The following SLC9A8 variants were observed in gnomAD, a reference collection of about 807,000 sequenced individuals.
The protein encoded by SLC9A8 is solute carrier family 9 member A8.
Under a neutral mutation model 66.6 loss-of-function variants are expected in SLC9A8, and 48 were observed. The observed-to-expected ratio is 0.72, with a 90% CI of 0.57 to 0.92. SLC9A8 has a LOEUF of 0.92. Among genes scored for constraint, SLC9A8 ranks in the 40% least tolerant of loss-of-function variants. The pLI, the probability that SLC9A8 is intolerant of heterozygous loss-of-function variation, is 0.00. For missense variants in SLC9A8, 599 were observed against 747.3 expected (o/e 0.80, Z 2.31); for synonymous variants, 274 against 282.6 (o/e 0.97, Z 0.31).
At chr20:49,863,959 A>G (rs1472759100) in intron 9 of SLC9A8, 1 of 152,214 alleles carries the variant, frequency 6.6e-6, no homozygotes, top group Non-Finnish European at 1.5e-5. Flanking sequence ...TCCTTTGTCC[A>G]GAAGTCTAAG....
At chr20:49,834,185 C>CTCTCTCTCTA (rs1475975068) in intron 3 of SLC9A8, among the ~76,000 whole-genome samples, 4 of 34,542 alleles carry the variant, frequency 1.2e-4, no homozygotes, top group African/African-American at 2.3e-4. Flanking sequence ...CTCTCTCTCT[C>CTCTCTCTCTA]TATATATATA....
intron 7 of SLC9A8, among the ~76,000 whole-genome samples, chr20:49,853,043 A>C (rs1568841071): frequency 6.6e-6 from 1 of 152,158 alleles, no homozygotes; most frequent in African/African-American, 2.4e-5. Flanking sequence ...TATTATGAAA[A>C]ATTTTAAACA....
At chr20:49,859,987 G>A (rs371857770) in intron 8 of SLC9A8, among the ~76,000 whole-genome samples, 1 of 152,128 alleles carries the variant, frequency 6.6e-6, no homozygotes, top group Admixed American at 6.5e-5. Flanking sequence ...TTAACCCTTT[G>A]TGTGACCTTA....
At chr20:49,838,272 A>G (rs950904991) in intron 3 of SLC9A8, among the ~76,000 whole-genome samples, 5 of 152,168 alleles carry the variant, frequency 3.3e-5, no homozygotes, top group African/African-American at 7.2e-5. Context: ...TCCGCATACT[A>G]TTTGGCCAAT....
chr20:49,861,536 C>T (rs2146666654), intron 8 of SLC9A8, among the ~76,000 whole-genome samples: 1 of 152,166 alleles, frequency 6.6e-6, no homozygotes, highest in Admixed American at 6.5e-5. Context: ...GAGTGAGACC[C>T]TGTCTCAAAA....
intron 4 of SLC9A8, among the ~76,000 whole-genome samples, chr20:49,841,930 C>T (rs989510418): frequency 6.6e-6 from 1 of 152,074 alleles, no homozygotes; most frequent in Non-Finnish European, 1.5e-5. Context: ...TGTAGAGACA[C>T]GATGTCACTA....
At chr20:49,813,894 G>A (rs576123309) in intron 1 of SLC9A8, among the ~76,000 whole-genome samples, 1 of 152,270 alleles carries the variant, frequency 6.6e-6, no homozygotes, top group East Asian at 1.9e-4. Context: ...GGAAGGACGG[G>A]CTGTGTCCTC....
At chr20:49,841,078 G>A (rs1460883283) in intron 4 of SLC9A8, among the ~76,000 whole-genome samples, 1 of 152,158 alleles carries the variant, frequency 6.6e-6, no homozygotes, top group Non-Finnish European at 1.5e-5. Context: ...GCTGAGTCAC[G>A]TGGATCATCT....
At chr20:49,874,255 TCC>T (rs375029945) in intron 10 of SLC9A8, among the ~76,000 whole-genome samples, 10 of 150,480 alleles carry the variant, frequency 6.6e-5, no homozygotes, top group African/African-American at 2.4e-4. Flanking sequence ...CAAAACTCTG[TCC>T]CCCCCCCAAA....
At chr20:49,861,055 A>G (rs1017629281) in intron 8 of SLC9A8, among the ~76,000 whole-genome samples, 3 of 152,074 alleles carry the variant, frequency 2.0e-5, no homozygotes, top group Admixed American at 1.3e-4. Flanking sequence ...AGGGATGAAT[A>G]AGGGAGTTAG....
intron 11 of SLC9A8, among the ~76,000 whole-genome samples, chr20:49,875,341 C>A (rs766745111): frequency 5.3e-5 from 8 of 151,616 alleles, no homozygotes; most frequent in Non-Finnish European, 1.0e-4. Context: ...TTTAGGAAAT[C>A]CTGGTTAAAT....
intron 8 of SLC9A8, among the ~76,000 whole-genome samples, chr20:49,862,463 T>C (rs891678641): frequency 6.6e-6 from 1 of 152,164 alleles, no homozygotes; most frequent in Non-Finnish European, 1.5e-5. Context: ...GGTTTCACCA[T>C]GTTGGCCAGG....
intron 3 of SLC9A8, among the ~76,000 whole-genome samples, chr20:49,826,706 T>C (rs1190834856): frequency 3.9e-5 from 6 of 152,222 alleles, no homozygotes. Flanking sequence ...TTCCATACTT[T>C]ATGGAATTCT....
intron 8 of SLC9A8, among the ~76,000 whole-genome samples, chr20:49,857,869 A>C (rs894395637): frequency 7.2e-5 from 11 of 152,130 alleles, no homozygotes; most frequent in African/African-American, 2.4e-4. Context: ...TTGCAGGAGG[A>C]GCTTACCAAA....
chr20:49,880,430 G>C (rs1387762781), intron 12 of SLC9A8, among the ~76,000 whole-genome samples: 2 of 152,188 alleles, frequency 1.3e-5, no homozygotes, highest in African/African-American at 2.4e-5. Flanking sequence ...CTTGCTCAGA[G>C]AGCAGTGTTT....
At chr20:49,849,554 C>T in intron 5 of SLC9A8, 25 bp from the exon 6 acceptor site, 2 of 1,565,844 alleles carry the variant, frequency 1.3e-6, no homozygotes, top group Middle Eastern at 1.7e-4. Context: ...CTAATCATTT[C>T]CCTGATTTCT....
In SLC9A8 at chr20:49,889,219, G is replaced by C. The variant is rs756960070; in HGVS notation, c.*1283G>C. On this transcript the variant is annotated 3_prime_UTR_variant, in exon 16 of 16. Coordinates refer to ENST00000361573, the MANE Select transcript of SLC9A8 (RefSeq NM_015266.3). ...CATCAAAGAGCCATTGCCAACTTCC[G>C]TATGTGGTTCTGGGTCCCAGGGAGC... 1 of 152,240 alleles carries C rather than the reference G, an allele frequency of 6.6e-6. No individual in the cohort carries two copies. The highest frequency in any genetic ancestry group is 2.4e-5 in the African/African-American group (1 of 41,438). 9.4% of individuals were successfully genotyped at this position (152,240 alleles called of 1,614,324 possible). A position where few individuals can be genotyped will look rare whatever the true frequency, so the allele number is the denominator to read the frequency against.
rs115461993 is a variant in SLC9A8, at chr20:49,814,974, T to C, written c.27-34T>C. The C allele has an allele frequency of 4.1e-4, 597 of 1,465,036 alleles. 3 individuals carry two copies. The African/African-American group carries it at 8.2e-3, about 20-fold the overall frequency. 90.8% of individuals were successfully genotyped at this position (1,465,036 alleles called of 1,614,324 possible). On this transcript the variant is annotated intron_variant, in intron 1 of 15. Transcript: ENST00000361573. ...GTGAATTGATGTTTTGGGACCCTTT[T>C]CCATTATCTAATTATGCTTTCTATG...
At chr20:49,830,356 C>G in intron 3 of SLC9A8, 1 of 897,226 alleles carries the variant, frequency 1.1e-6, no homozygotes, top group Non-Finnish European at 1.9e-6. Flanking sequence ...TAGGAGGGGG[C>G]CCGCCTGGGA....
Sources: gnomAD v4.1 joint callset for allele counts (sites outside exome capture counted in the v4.1 genomes callset) on GRCh38, gnomAD v4.1.1 for gene constraint, MANE v1.5 for transcripts, NCBI Gene and HGNC (gene_info 2026-07-23, HGNC 2026-07-21) for gene names.